The following ROBO2 variants were observed in gnomAD, a reference collection of about 807,000 sequenced individuals.
ROBO2 encodes roundabout guidance receptor 2.
ROBO2 carries 53 observed loss-of-function variants against 160.8 expected under a neutral mutation model. The observed-to-expected ratio is 0.33, with a 90% confidence interval of 0.26 to 0.41. ROBO2 has a LOEUF of 0.41. Among genes scored for constraint, ROBO2 ranks in the 10% least tolerant of loss-of-function variants. The probability of loss-of-function intolerance (pLI) is 1.00; values close to 1 mark genes in which losing one functional copy is unlikely to be tolerated. For synonymous variants in ROBO2, 664 were observed against 611.7 expected, an observed-to-expected ratio of 1.09 and a Z score of -1.26; for missense variants, 1,577 against 1,722.4, an observed-to-expected ratio of 0.92 and a Z score of 1.49.
At chr3:76,194,359 T>TATATATAA (rs1702155939) in intron 2 of ROBO2, among the ~76,000 whole-genome samples, 1 of 97,950 alleles carries the variant, frequency 1.0e-5, no homozygotes, top group Non-Finnish European at 2.0e-5. Context: ...TGTAAATATA[T>TATATATAA]ATATATATAT....
intron 2 of ROBO2, among the ~76,000 whole-genome samples, chr3:76,943,316 G>C (rs2078316699): frequency 6.6e-6 from 1 of 152,082 alleles, no homozygotes; most frequent in South Asian, 2.1e-4. Context: ...GTTGCTATCT[G>C]TTAGTAGTTG....
At chr3:77,356,034 C>T (rs2069072660) in intron 2 of ROBO2, among the ~76,000 whole-genome samples, 1 of 152,018 alleles carries the variant, frequency 6.6e-6, no homozygotes, top group South Asian at 2.1e-4. Context: ...TTCAGCAATT[C>T]CACATCTGGC....
At chr3:76,160,151 A>C (rs1191778169) in intron 2 of ROBO2, among the ~76,000 whole-genome samples, 1 of 152,116 alleles carries the variant, frequency 6.6e-6, no homozygotes, top group African/African-American at 2.4e-5. Flanking sequence ...CATCGCAAAA[A>C]AACATTGGTA....
At chr3:76,165,612 G>T (rs769280785) in intron 2 of ROBO2, among the ~76,000 whole-genome samples, 1 of 152,056 alleles carries the variant, frequency 6.6e-6, no homozygotes, top group Admixed American at 6.6e-5. Flanking sequence ...GAGTAGCCTA[G>T]CTTTTAGCCT....
intron 2 of ROBO2, among the ~76,000 whole-genome samples, chr3:76,291,646 T>G (rs1010544304): frequency 5.3e-5 from 8 of 152,146 alleles, no homozygotes; most frequent in Admixed American, 3.3e-4. Context: ...TTTCTTATTT[T>G]CGGTGTAAGT....
At chr3:76,148,322 A>G (rs1208247531) in intron 2 of ROBO2, among the ~76,000 whole-genome samples, 1 of 151,954 alleles carries the variant, frequency 6.6e-6, no homozygotes, top group Non-Finnish European at 1.5e-5. Flanking sequence ...TACACCATCT[A>G]TCTCATCCCC....
At chr3:76,665,743 A>G (rs569009318) in intron 2 of ROBO2, among the ~76,000 whole-genome samples, 13 of 151,364 alleles carry the variant, frequency 8.6e-5, no homozygotes, top group East Asian at 5.8e-4. Flanking sequence ...TTCATATTGT[A>G]TCAGCTTATC....
intron 2 of ROBO2, among the ~76,000 whole-genome samples, chr3:76,955,842 C>A (rs2079211249): frequency 6.6e-6 from 1 of 151,290 alleles, no homozygotes; most frequent in East Asian, 1.9e-4. Flanking sequence ...GCAGGAGAAT[C>A]CCTTGAACCC....
chr3:76,248,816 C>T (rs567645751), intron 2 of ROBO2, among the ~76,000 whole-genome samples: 29 of 152,170 alleles, frequency 1.9e-4, no homozygotes, highest in African/African-American at 7.0e-4. Flanking sequence ...CCTGTCATTT[C>T]ACCAACCTCT....
At chr3:77,334,501 G>C (rs751946650) in intron 2 of ROBO2, among the ~76,000 whole-genome samples, 1 of 152,184 alleles carries the variant, frequency 6.6e-6, no homozygotes, top group Non-Finnish European at 1.5e-5. Flanking sequence ...CCCAGGATAA[G>C]ATGAAGCAAA....
intron 2 of ROBO2, among the ~76,000 whole-genome samples, chr3:76,965,690 G>A (rs1249923860): frequency 6.8e-6 from 1 of 148,010 alleles, no homozygotes; most frequent in Non-Finnish European, 1.5e-5. Context: ...AAAAACTTCA[G>A]TAAATTGTTA....
At chr3:77,100,240 C>G (rs866544150) in intron 2 of ROBO2, among the ~76,000 whole-genome samples, 34 of 152,148 alleles carry the variant, frequency 2.2e-4, no homozygotes, top group South Asian at 1.7e-3. Context: ...TTGAATTACT[C>G]ATGACCTAGA....
At chr3:76,896,429 T>C (rs937190640) in intron 2 of ROBO2, among the ~76,000 whole-genome samples, 6 of 152,248 alleles carry the variant, frequency 3.9e-5, no homozygotes, top group Admixed American at 2.0e-4. Flanking sequence ...ATTGACTACT[T>C]AAATCCTGCA....
intron 2 of ROBO2, among the ~76,000 whole-genome samples, chr3:77,362,851 G>A (rs1054274419): frequency 2.0e-4 from 30 of 152,126 alleles, no homozygotes; most frequent in African/African-American, 6.3e-4. Flanking sequence ...GGTGCGTTGA[G>A]AGGAACTCCT....
intron 2 of ROBO2, among the ~76,000 whole-genome samples, chr3:76,398,468 A>G (rs1351271468): frequency 6.6e-6 from 1 of 151,944 alleles, no homozygotes; most frequent in Non-Finnish European, 1.5e-5. Flanking sequence ...TAAAACTTAA[A>G]GTATAATAAT....
At chr3:76,690,728 A>G (rs2092783977) in intron 2 of ROBO2, among the ~76,000 whole-genome samples, 1 of 152,104 alleles carries the variant, frequency 6.6e-6, no homozygotes, top group Non-Finnish European at 1.5e-5. Context: ...TCGCTATTGT[A>G]TCCCTAGTAC....
chr3:76,560,171 A>G (rs186597561), intron 2 of ROBO2, among the ~76,000 whole-genome samples: 14 of 152,122 alleles, frequency 9.2e-5, no homozygotes, highest in African/African-American at 3.4e-4. Flanking sequence ...CACCCAACAC[A>G]CCTATGCCAG....
At chr3:77,502,191 G>T (rs2087716099) in intron 5 of ROBO2, among the ~76,000 whole-genome samples, 1 of 152,100 alleles carries the variant, frequency 6.6e-6, no homozygotes, top group Admixed American at 6.5e-5. Context: ...CTACATAGTG[G>T]TGCTGAGTGG....
chr3:76,060,899 G>A (rs1477269665), intron 2 of ROBO2, among the ~76,000 whole-genome samples: 1 of 152,060 alleles, frequency 6.6e-6, no homozygotes, highest in Non-Finnish European at 1.5e-5. Flanking sequence ...TCCCACCGTG[G>A]AATTTGATTT....
Sources: allele counts gnomAD v4.1 joint callset (sites outside exome capture counted in the v4.1 genomes callset), GRCh38; gene constraint gnomAD v4.1.1; transcripts MANE v1.5; gene names NCBI Gene and HGNC (gene_info 2026-07-23, HGNC 2026-07-21).